Variants in KIF26B observed in about 807,000 individuals in gnomAD.
KIF26B encodes kinesin family member 26B, also known as kinesin-like protein KIF26B.
KIF26B carries 63 observed loss-of-function variants against 151.2 expected under a neutral mutation model. The ratio of observed to expected loss-of-function variants is 0.42; its 90% CI spans 0.34 to 0.51. The LOEUF is 0.51. KIF26B is among the 20% of genes least tolerant of loss of function. KIF26B has a pLI of 0.07. For synonymous variants in KIF26B, 1,357 were observed against 1,262.1 expected (o/e 1.08, Z -1.59); for missense variants, 2,813 against 2,913.6 (o/e 0.97, Z 0.79).
intron 4 of KIF26B, among the ~76,000 whole-genome samples, chr1:245,510,638 C>T (rs1660813909): frequency 6.6e-6 from 1 of 150,816 alleles, no homozygotes; most frequent in South Asian, 2.1e-4. Flanking sequence ...CTGTTTCACC[C>T]CTCCCTGCCT....
chr1:245,447,861 G>A (rs1224437736), intron 4 of KIF26B, among the ~76,000 whole-genome samples: 1 of 152,212 alleles, frequency 6.6e-6, no homozygotes, highest in African/African-American at 2.4e-5. Flanking sequence ...GCCTTGAGCT[G>A]CCACTCTCAG....
chr1:245,474,405 G>C (rs1659984437), intron 4 of KIF26B, among the ~76,000 whole-genome samples: 1 of 146,394 alleles, frequency 6.8e-6, no homozygotes, highest in Admixed American at 6.8e-5. Context: ...ACTGCTCCTG[G>C]CTTTTTTTTG....
rs754848080 is a variant in KIF26B at position 245,540,606 on chromosome 1, CTG to C, written c.1167-159_1167-158del. The C allele has an allele frequency of 2.6e-6, 2 of 763,034 alleles. No homozygotes were observed. Among genetic ancestry groups the C allele is most frequent in the African/African-American group, 3.4e-5 (2 of 58,814 alleles). The allele number at this position is 763,034 out of a possible 1,614,324, so 47.3% of individuals were successfully genotyped here. A position where few individuals can be genotyped will look rare whatever the true frequency, so the allele number is the denominator to read the frequency against. ...GATTGGGTAGCTCGTTAACTTCACT[CTG>C]TTATAGTAAGGGACTGCTACAGAGG... On this transcript the variant is annotated intron_variant, in intron 4 of 14. Coordinates refer to ENST00000407071, the MANE Select transcript of KIF26B (RefSeq NM_018012.4). The surrounding 1 kb of genome is among the most constrained non-coding windows in gnomAD (Gnocchi z 4.6).
At chr1:245,603,902 C>A (rs1274024243) in intron 6 of KIF26B, among the ~76,000 whole-genome samples, 2 of 152,250 alleles carry the variant, frequency 1.3e-5, no homozygotes, top group Admixed American at 1.3e-4. Flanking sequence ...AATTGGGAGG[C>A]TACTTGGGGG....
In KIF26B at chr1:245,156,467, C is replaced by T; in HGVS notation, c.249C>T (p.Gly83=). The T allele has an allele frequency of 4.6e-6, 7 of 1,524,800 alleles. No homozygotes were observed. The highest frequency in any genetic ancestry group is 6.1e-6 in the Non-Finnish European group (7 of 1,139,840). The allele number at this position is 1,524,800 out of a possible 1,614,324, so 94.5% of individuals were successfully genotyped here. Residue 83 remains glycine (G), a synonymous_variant, in exon 2 of 15, where the codon GGC becomes GGT. Transcript: ENST00000407071. ...SGTSSPSSFT[G]SPGPASPGIG... ...CCTCGTCCCCGAGCTCGTTCACCGG[C>T]TCCCCGGGACCCGCCTCCCCCGGCA...
intron 3 of KIF26B, among the ~76,000 whole-genome samples, chr1:245,385,243 C>T (rs1169555993): frequency 6.6e-6 from 1 of 152,234 alleles, no homozygotes; most frequent in African/African-American, 2.4e-5. Flanking sequence ...CATTGCATAT[C>T]TTGCTACCTC....
At position 245,155,518 on chromosome 1, in the gene KIF26B, G is replaced by T. The variant is rs377742075; in HGVS notation, c.63+31G>T. ...TTGTGACGGTACGACGCGGAGACGC[G>T]TTACCAGACCCATCTCGGCGGAGGT... On this transcript the variant is annotated intron_variant, in intron 1 of 14. Coordinates refer to ENST00000407071, the MANE Select transcript of KIF26B (RefSeq NM_018012.4). 8 of 1,577,288 alleles carry T rather than the reference G, an allele frequency of 5.1e-6. No individual in the cohort carries two copies. In the South Asian group the frequency reaches 5.6e-5, roughly 11 times the overall value.
At chr1:245,505,062 C>T (rs1435078622) in intron 4 of KIF26B, among the ~76,000 whole-genome samples, 25 of 151,864 alleles carry the variant, frequency 1.6e-4, no homozygotes. Context: ...GCTCAGCCTC[C>T]CAAGTAGTTG....
At chr1:245,679,004 G>A (rs1334844553) in intron 10 of KIF26B, among the ~76,000 whole-genome samples, 1 of 152,150 alleles carries the variant, frequency 6.6e-6, no homozygotes, top group African/African-American at 2.4e-5. Flanking sequence ...TTGGTGTGTA[G>A]TCAGGACCTG....
intron 5 of KIF26B, among the ~76,000 whole-genome samples, chr1:245,569,722 G>A (rs1300704271): frequency 6.6e-6 from 1 of 152,052 alleles, no homozygotes; most frequent in South Asian, 2.1e-4. Context: ...AGTCCAGGAG[G>A]TGGAGGTTTC....
chr1:245,274,992 T>C lies in KIF26B; in HGVS notation c.466-91842T>C, dbSNP rs532711924. Among the ~76,000 whole-genome samples, 71 of 152,318 alleles carry C rather than the reference T, an allele frequency of 4.7e-4. 1 individual carries two copies. Among genetic ancestry groups the C allele is most frequent in the Admixed American group, 1.3e-3 (20 of 15,302 alleles). ...CACATCCTCTCCAGCATCTATTGTT[T>C]CCTGACTTTTTAATGATCGCCATTC... On this transcript the variant is annotated intron_variant, in intron 2 of 14. Transcript: ENST00000407071.
intron 9 of KIF26B, among the ~76,000 whole-genome samples, chr1:245,614,211 G>T (rs923160394): frequency 9.9e-5 from 15 of 152,144 alleles, no homozygotes; most frequent in African/African-American, 3.6e-4. Flanking sequence ...CACTCACTCT[G>T]TTGCCCAGGC....
At chr1:245,319,690 G>A (rs1558387615) in intron 2 of KIF26B, among the ~76,000 whole-genome samples, 1 of 152,146 alleles carries the variant, frequency 6.6e-6, no homozygotes, top group African/African-American at 2.4e-5. Flanking sequence ...GATTAAAATT[G>A]TAGGTCATTT....
At chr1:245,249,003 T>A (rs1670389396) in intron 2 of KIF26B, among the ~76,000 whole-genome samples, 1 of 152,168 alleles carries the variant, frequency 6.6e-6, no homozygotes, top group Admixed American at 6.5e-5. Context: ...ACAAAGAAAG[T>A]GAGTTCGCTT....
At chr1:245,633,843 C>T (rs1464296410) in intron 9 of KIF26B, among the ~76,000 whole-genome samples, 6 of 151,972 alleles carry the variant, frequency 3.9e-5, no homozygotes, top group African/African-American at 1.5e-4. Context: ...GTTGGGGTGA[C>T]AGAGTGACAC....
At chr1:245,684,206 T>C in intron 10 of KIF26B, 27 bp from the exon 11 acceptor site, 2 of 1,601,440 alleles carry the variant, frequency 1.2e-6, no homozygotes, top group Non-Finnish European at 1.7e-6. Flanking sequence ...TGGCCGCTAA[T>C]GCAGCCTAAT....
At chr1:245,305,797 G>T (rs562066965) in intron 2 of KIF26B, among the ~76,000 whole-genome samples, 1 of 151,960 alleles carries the variant, frequency 6.6e-6, no homozygotes, top group Non-Finnish European at 1.5e-5. Flanking sequence ...AATTAGCCGG[G>T]TGTGGTGGCG....
At chr1:245,283,900 C>T (rs1371228742) in intron 2 of KIF26B, among the ~76,000 whole-genome samples, 1 of 152,144 alleles carries the variant, frequency 6.6e-6, no homozygotes, top group South Asian at 2.1e-4. Flanking sequence ...ATTGGCCAGG[C>T]TTGTCTCGAA....
intron 2 of KIF26B, among the ~76,000 whole-genome samples, chr1:245,193,125 A>G (rs920164156): frequency 1.3e-5 from 2 of 152,170 alleles, no homozygotes; most frequent in African/African-American, 4.8e-5. Context: ...TCCCACTTAT[A>G]ATTGAGAACA....
Sources: gnomAD v4.1 joint callset for allele counts (sites outside exome capture counted in the v4.1 genomes callset) on GRCh38, gnomAD v4.1.1 for gene constraint, Gnocchi (gnomAD v3.1) non-coding constraint, MANE v1.5 for transcripts, NCBI Gene and HGNC (gene_info 2026-07-23, HGNC 2026-07-21) for gene names.